Variants in SORBS2 observed in about 807,000 individuals in gnomAD.
SORBS2 encodes the protein sorbin and SH3 domain-containing protein 2.
SORBS2 carries 46 observed loss-of-function variants against 97.7 expected under a neutral mutation model. The observed-to-expected ratio is 0.47, with a 90% CI of 0.37 to 0.60. The LOEUF is 0.60. Among genes scored for constraint, SORBS2 ranks in the 20% least tolerant of loss-of-function variants. The pLI is 0.00. For missense variants in SORBS2, 1,316 were observed against 1,282.3 expected (o/e 1.03, Z -0.40); for synonymous variants, 476 against 473.4 (o/e 1.01, Z -0.07).
intron 1 of SORBS2, among the ~76,000 whole-genome samples, chr4:185,919,701 T>C (rs2099260083): frequency 6.6e-6 from 1 of 152,240 alleles, no homozygotes; most frequent in Admixed American, 6.5e-5. Context: ...CACCAGGATA[T>C]GTCACCAAAT....
chr4:185,610,055 T>TA (rs2096508477), intron 12 of SORBS2, among the ~76,000 whole-genome samples: 1 of 152,222 alleles, frequency 6.6e-6, no homozygotes, highest in Non-Finnish European at 1.5e-5. Context: ...AATCTGGTAT[T>TA]ACTTTAAAAA....
intron 2 of SORBS2, 95 bp downstream of exon 3, chr4:185,734,004 A>G (rs1380275634): frequency 6.6e-6 from 1 of 152,586 alleles, no homozygotes; most frequent in Non-Finnish European, 1.5e-5. Flanking sequence ...TTACTGGGAA[A>G]TCTTTTTGTT....
intron 12 of SORBS2, among the ~76,000 whole-genome samples, chr4:185,608,951 CT>C (rs1472369617): frequency 1.3e-5 from 2 of 151,996 alleles, no homozygotes; most frequent in African/African-American, 4.8e-5. Flanking sequence ...TAACTTTTGA[CT>C]CCTGTGTCCT....
Position 185,607,339 on chromosome 4 carries a change from C to T in SORBS2, c.2796+4441G>A. Reference sequence around the variant, plus strand: ...GTGGGTGGGAGGAGGGGCTGGTTCACTGGAAGCCAACTTGGAAATGAGCAC... The same window carrying T: ...GTGGGTGGGAGGAGGGGCTGGTTCATTGGAAGCCAACTTGGAAATGAGCAC... On this transcript the variant is annotated intron_variant, in intron 12 of 14. Coordinates refer to ENST00000418609, the Ensembl canonical transcript of SORBS2. This position sits in a 1 kb window ranked among gnomAD's most constrained non-coding sequence, Gnocchi z 5.2. 7.8e-7 allele frequency: 1 copy of T among 1,286,576 alleles called. No homozygotes were observed. Among genetic ancestry groups the T allele is most frequent in the South Asian group, 1.2e-5 (1 of 80,892 alleles). 79.7% of individuals were successfully genotyped at this position (1,286,576 alleles called of 1,614,324 possible).
At chr4:185,696,073 A>C (rs772079645) in intron 2 of SORBS2, among the ~76,000 whole-genome samples, 1 of 152,214 alleles carries the variant, frequency 6.6e-6, no homozygotes, top group Non-Finnish European at 1.5e-5. Flanking sequence ...GCCAGAACAC[A>C]TTCAACATCA....
chr4:185,848,525 A>C (rs991669118), intron 1 of SORBS2, among the ~76,000 whole-genome samples: 2 of 152,108 alleles, frequency 1.3e-5, no homozygotes, highest in African/African-American at 4.8e-5. Context: ...CTTTTAAAAA[A>C]GTCTTAGAAA....
intron 1 of SORBS2, among the ~76,000 whole-genome samples, chr4:185,812,589 C>A (rs1351879206): frequency 1.3e-5 from 2 of 152,176 alleles, no homozygotes; most frequent in African/African-American, 4.8e-5. Flanking sequence ...ACAAGCCCCA[C>A]CTTCCAGTCA....
intron 2 of SORBS2, among the ~76,000 whole-genome samples, chr4:185,753,115 T>C (rs143083281): frequency 2.0e-5 from 3 of 152,236 alleles, no homozygotes; most frequent in Admixed American, 6.5e-5. Context: ...ACAATTTCCA[T>C]CTGAGGAAGT....
chr4:185,928,397 C>T (rs1247431198), intron 1 of SORBS2, among the ~76,000 whole-genome samples: 1 of 152,004 alleles, frequency 6.6e-6, no homozygotes, highest in East Asian at 1.9e-4. Flanking sequence ...GAGCAAGACC[C>T]CATCTCAAAA....
intron 4 of SORBS2, among the ~76,000 whole-genome samples, chr4:185,642,061 C>T (rs1014441866): frequency 6.6e-6 from 1 of 152,058 alleles, no homozygotes; most frequent in Non-Finnish European, 1.5e-5. Flanking sequence ...ACGCTCATTC[C>T]ATTTTAAGTT....
At chr4:185,863,856 A>G (rs966254043) in intron 1 of SORBS2, among the ~76,000 whole-genome samples, 1 of 152,132 alleles carries the variant, frequency 6.6e-6, no homozygotes, top group Non-Finnish European at 1.5e-5. Flanking sequence ...TCCCCATTTT[A>G]GTGTTGTTTG....
chr4:185,868,081 TTTAG>T (rs1253977374), intron 1 of SORBS2, among the ~76,000 whole-genome samples: 1 of 151,910 alleles, frequency 6.6e-6, no homozygotes, highest in Non-Finnish European at 1.5e-5. Flanking sequence ...CCAACAGGAA[TTTAG>T]TTAGAGGGGT....
intron 1 of SORBS2, among the ~76,000 whole-genome samples, chr4:185,859,346 C>T (rs2099222367): frequency 6.6e-6 from 1 of 152,166 alleles, no homozygotes; most frequent in East Asian, 1.9e-4. Flanking sequence ...ATACCTTATC[C>T]TCCCAGCTGC....
chr4:185,746,193 A>G (rs2098759077), intron 2 of SORBS2, among the ~76,000 whole-genome samples: 1 of 152,194 alleles, frequency 6.6e-6, no homozygotes, highest in Admixed American at 6.5e-5. Context: ...AAACACTCGT[A>G]GTTGTGTCTC....
At chr4:185,647,179 A>G (rs2097221670) in intron 3 of SORBS2, among the ~76,000 whole-genome samples, 1 of 152,140 alleles carries the variant, frequency 6.6e-6, no homozygotes, top group Non-Finnish European at 1.5e-5. Context: ...TGGGAAGAGC[A>G]CAGAAGTGTC....
At chr4:185,674,539 A>T (rs1045242561) in intron 4 of SORBS2, among the ~76,000 whole-genome samples, 6 of 152,172 alleles carry the variant, frequency 3.9e-5, no homozygotes, top group Non-Finnish European at 7.3e-5. Flanking sequence ...TTGTTAAAAT[A>T]TAAGGGAAAT....
intron 2 of SORBS2, among the ~76,000 whole-genome samples, chr4:185,744,276 T>C (rs2098746867): frequency 6.6e-6 from 1 of 152,170 alleles, no homozygotes; most frequent in Non-Finnish European, 1.5e-5. Flanking sequence ...TGTACCCCAT[T>C]GTATGCATTA....
At chr4:185,905,779 T>C (rs1280509673) in intron 1 of SORBS2, among the ~76,000 whole-genome samples, 1 of 152,126 alleles carries the variant, frequency 6.6e-6, no homozygotes, top group Non-Finnish European at 1.5e-5. Flanking sequence ...TGTCTTTTTG[T>C]AGGTGTGTTT....
intron 2 of SORBS2, among the ~76,000 whole-genome samples, chr4:185,755,971 A>G (rs2098828286): frequency 6.6e-6 from 1 of 152,220 alleles, no homozygotes; most frequent in African/African-American, 2.4e-5. Context: ...ACAAAAAGCA[A>G]AAGAGGTCTC....
Sources: gnomAD v4.1 joint callset for allele counts (sites outside exome capture counted in the v4.1 genomes callset) on GRCh38, gnomAD v4.1.1 for gene constraint, Gnocchi (gnomAD v3.1) non-coding constraint, MANE v1.5 for transcripts, NCBI Gene and HGNC (gene_info 2026-07-23, HGNC 2026-07-21) for gene names.